WHR1: variants seen among roughly 807,000 people sequenced by gnomAD.
WHR1 encodes the protein MHC class III HLA-RP1.
the WHR1 span, chr6:31,971,295 A>G: frequency 2.0e-6 from 3 of 1,536,836 alleles, no homozygotes; most frequent in Admixed American, 2.0e-5. This position sits in a 1 kb window ranked among gnomAD's most constrained non-coding sequence, Gnocchi z 4.5. Context: ...GTCTCCAGAT[A>G]TACTGCCTAC....
the WHR1 span, chr6:31,972,220 T>G: frequency 3.3e-5 from 53 of 1,612,842 alleles, no homozygotes; most frequent in Non-Finnish European, 4.4e-5. This position sits in a 1 kb window ranked among gnomAD's most constrained non-coding sequence, Gnocchi z 6.3. Context: ...GATGCTGGTA[T>G]GTGCGTCGCC....
At chr6:31,971,811 A>T in the WHR1 span, 1 of 1,312,990 alleles carries the variant, frequency 7.6e-7, no homozygotes, top group East Asian at 2.5e-5. This position sits in a 1 kb window ranked among gnomAD's most constrained non-coding sequence, Gnocchi z 4.5. Flanking sequence ...CTCAGACGCC[A>T]CCGCGGCCAA....
the WHR1 span, among the ~76,000 whole-genome samples, chr6:31,976,035 G>C: frequency 1.3e-5 from 2 of 150,300 alleles, no homozygotes; most frequent in East Asian, 2.0e-4. Flanking sequence ...CGGGCGGGGG[G>C]GGCTGACCCC....
the WHR1 span, chr6:31,980,982 G>A: frequency 1.7e-6 from 1 of 574,144 alleles, no homozygotes; most frequent in African/African-American, 2.9e-5. Flanking sequence ...TCTGGCTCCA[G>A]CCTTGTCTTT....
chr6:31,971,770 G>C, the WHR1 span: 6 of 1,389,618 alleles, frequency 4.3e-6, no homozygotes, highest in Non-Finnish European at 5.7e-6. This position sits in a 1 kb window ranked among gnomAD's most constrained non-coding sequence, Gnocchi z 4.5. Flanking sequence ...CCACCTGATC[G>C]CCAGGCTCTG....
the WHR1 span, chr6:31,971,825 C>G: frequency 3.0e-6 from 4 of 1,324,094 alleles, no homozygotes; most frequent in African/African-American, 5.9e-5. The surrounding 1 kb of genome is among the most constrained non-coding windows in gnomAD (Gnocchi z 4.5). Flanking sequence ...CGGCCAAGCT[C>G]TCATCCTGCC....
At chr6:31,971,811 A>G in the WHR1 span, 1 of 1,312,990 alleles carries the variant, frequency 7.6e-7, no homozygotes, top group East Asian at 2.5e-5. The surrounding 1 kb of genome is among the most constrained non-coding windows in gnomAD (Gnocchi z 4.5). Context: ...CTCAGACGCC[A>G]CCGCGGCCAA....
the WHR1 span, chr6:31,971,974 G>A: frequency 7.6e-6 from 12 of 1,585,794 alleles, no homozygotes; most frequent in Non-Finnish European, 7.7e-6. The surrounding 1 kb of genome is among the most constrained non-coding windows in gnomAD (Gnocchi z 4.5). Context: ...TGACGTCATG[G>A]CAGGCACGCC....
the WHR1 span, chr6:31,972,863 C>G: frequency 4.4e-4 from 679 of 1,554,876 alleles, 7 homozygotes; most frequent in African/African-American, 8.1e-3. This position sits in a 1 kb window ranked among gnomAD's most constrained non-coding sequence, Gnocchi z 6.3. Flanking sequence ...GCCTTTCAGG[C>G]GAGGGCACTG....
chr6:31,971,656 T>C, the WHR1 span: 9 of 1,607,592 alleles, frequency 5.6e-6, no homozygotes, highest in Non-Finnish European at 5.1e-6. This position sits in a 1 kb window ranked among gnomAD's most constrained non-coding sequence, Gnocchi z 4.5. Flanking sequence ...AGCTCCTCTC[T>C]TGGTCCCCCT....
At chr6:31,971,570 A>G in the WHR1 span, 1 of 1,614,096 alleles carries the variant, frequency 6.2e-7, no homozygotes, top group Non-Finnish European at 8.5e-7. The surrounding 1 kb of genome is among the most constrained non-coding windows in gnomAD (Gnocchi z 4.5). Context: ...GGCCCAGAGT[A>G]GAGGGCAGGG....
At chr6:31,971,924 G>A in the WHR1 span, 2 of 1,537,892 alleles carry the variant, frequency 1.3e-6, no homozygotes, top group Middle Eastern at 1.8e-4. This position sits in a 1 kb window ranked among gnomAD's most constrained non-coding sequence, Gnocchi z 4.5. Flanking sequence ...CAAGAATCCA[G>A]TTACCTCAAA....
the WHR1 span, chr6:31,973,010 G>C: frequency 1.5e-5 from 11 of 712,704 alleles, no homozygotes; most frequent in African/African-American, 3.5e-5. Flanking sequence ...TACAGCGCTG[G>C]GAGTGCAGTC....
the WHR1 span, chr6:31,979,365 G>A: frequency 6.2e-7 from 1 of 1,609,452 alleles, no homozygotes; most frequent in Non-Finnish European, 8.5e-7. Flanking sequence ...GTGGAGGTTG[G>A]TAGAGAGTGA....
At chr6:31,971,333 C>T in the WHR1 span, 6 of 1,542,906 alleles carry the variant, frequency 3.9e-6, no homozygotes, top group Non-Finnish European at 5.2e-6. The surrounding 1 kb of genome is among the most constrained non-coding windows in gnomAD (Gnocchi z 4.5). Context: ...TCCAACCGGC[C>T]TCGGTGTTCC....
the WHR1 span, chr6:31,980,481 C>A: frequency 1.9e-6 from 3 of 1,613,132 alleles, no homozygotes; most frequent in South Asian, 1.1e-5. Flanking sequence ...TCCTCACCGT[C>A]CGAGATGCTG....
At chr6:31,976,452 C>T in the WHR1 span, among the ~76,000 whole-genome samples, 6 of 150,266 alleles carry the variant, frequency 4.0e-5, no homozygotes, top group South Asian at 6.3e-4. Flanking sequence ...GACGGGGCGG[C>T]GGGGCAAAGG....
At chr6:31,971,640 C>T in the WHR1 span, 3 of 1,610,420 alleles carry the variant, frequency 1.9e-6, no homozygotes, top group Non-Finnish European at 2.5e-6. The surrounding 1 kb of genome is among the most constrained non-coding windows in gnomAD (Gnocchi z 4.5). Flanking sequence ...CTACCTCTGT[C>T]TTCTCAGCTC....
chr6:31,978,964 A>T, the WHR1 span: 2 of 1,612,470 alleles, frequency 1.2e-6, no homozygotes, highest in Non-Finnish European at 1.7e-6. Context: ...TTGGATGCCC[A>T]TGGAATTATC....
Sources: allele counts gnomAD v4.1 joint callset (sites outside exome capture counted in the v4.1 genomes callset), GRCh38; gene constraint gnomAD v4.1.1; non-coding constraint Gnocchi (gnomAD v3.1); transcripts MANE v1.5; gene names NCBI Gene and HGNC (gene_info 2026-07-23, HGNC 2026-07-21).